MGAT4D: variants seen among roughly 807,000 people sequenced by gnomAD.
MGAT4D encodes MGAT4 family member D, also known as alpha-1,3-mannosyl-glycoprotein 4-beta-N-acetylglucosaminyltransferase-like protein MGAT4D.
In MGAT4D, 34 loss-of-function variants were observed where a neutral mutation model predicts 15.9. The observed-to-expected ratio is 2.14, with a 90% confidence interval of 1.62 to 2.84. MGAT4D has a LOEUF of 2.84. Among genes scored for constraint, MGAT4D ranks in the 30% most tolerant of loss-of-function variants. The pLI is 0.00. For missense variants in MGAT4D, 327 were observed against 140.2 expected (o/e 2.33, Z -6.73); for synonymous variants, 112 against 48.2 (o/e 2.33, Z -5.49).
At chr4:140,495,117 C>G (rs916719980) in intron 1 of MGAT4D, among the ~76,000 whole-genome samples, 2 of 152,190 alleles carry the variant, frequency 1.3e-5, no homozygotes, top group Non-Finnish European at 2.9e-5. Flanking sequence ...CCCCCCTGTT[C>G]ACATTGGCCT....
Position 140,474,895 on chromosome 4 carries a change from A to G in MGAT4D, c.443T>C (p.Leu148Pro). Residue 148 changes from leucine to proline, a missense_variant, in exon 4 of 11, where the codon CTG becomes CCG. Leu to Pro is a moderately conservative substitution (Grantham distance 98, BLOSUM62 -3). Coordinates refer to ENST00000511113, the MANE Select transcript of MGAT4D (RefSeq NM_001277353.2). Reference protein sequence around the residue: ...STVNRGNYSYLKQTLTSVVSR... With the variant: ...STVNRGNYSYPKQTLTSVVSR... Reference sequence around the variant, plus strand: ...GACAACAGAGGTCAGTGTCTGTTTCAGGTAACTATAATTTCCTCTGTTAAC... The same window carrying G: ...GACAACAGAGGTCAGTGTCTGTTTCGGGTAACTATAATTTCCTCTGTTAAC... The G allele has an allele frequency of 1.4e-6, 1 of 699,252 alleles. No individual in the cohort carries two copies. The allele number at this position is 699,252 out of a possible 1,614,324, so 43.3% of individuals were successfully genotyped here.
At chr4:140,467,301 A>G (rs1578670898) in intron 5 of MGAT4D, among the ~76,000 whole-genome samples, 1 of 152,188 alleles carries the variant, frequency 6.6e-6, no homozygotes, top group Non-Finnish European at 1.5e-5. Flanking sequence ...AAAAGTTAGT[A>G]ACATAATATC....
At chr4:140,484,617 C>A (rs1222407344) in intron 1 of MGAT4D, among the ~76,000 whole-genome samples, 1 of 152,114 alleles carries the variant, frequency 6.6e-6, no homozygotes, top group Non-Finnish European at 1.5e-5. Flanking sequence ...AACAGGCAAC[C>A]TACAGAATGG....
At chr4:140,446,727 T>A (rs1244446581) in intron 10 of MGAT4D, among the ~76,000 whole-genome samples, 1 of 148,968 alleles carries the variant, frequency 6.7e-6, no homozygotes, top group Non-Finnish European at 1.5e-5. Flanking sequence ...GGAGCTGGTT[T>A]GCTTTTGCTT....
At chr4:140,488,945 T>C (rs1241050) in intron 1 of MGAT4D, among the ~76,000 whole-genome samples, 120,332 of 152,018 alleles carry the variant, frequency 0.79, 47,884 homozygotes, top group East Asian at 0.9. Context: ...CCTGAGACCT[T>C]CCTAGAAGCC....
intron 9 of MGAT4D, among the ~76,000 whole-genome samples, chr4:140,456,252 T>C (rs1421799451): frequency 4.6e-5 from 7 of 152,238 alleles, no homozygotes; most frequent in South Asian, 2.1e-4. Flanking sequence ...TTGACTTCAG[T>C]AGTTGCATCA....
intron 2 of MGAT4D, among the ~76,000 whole-genome samples, chr4:140,480,785 A>G (rs996067689): frequency 3.9e-5 from 5 of 129,116 alleles, no homozygotes; most frequent in African/African-American, 5.9e-5. Flanking sequence ...ACACACACAC[A>G]CGCAGTGGGG....
At chr4:140,455,387 G>A (rs1560767839) in intron 9 of MGAT4D, among the ~76,000 whole-genome samples, 1 of 152,122 alleles carries the variant, frequency 6.6e-6, no homozygotes, top group Non-Finnish European at 1.5e-5. Flanking sequence ...TTATCTTTAT[G>A]TTGTTGATTT....
chr4:140,481,802 G>C (rs1732751713), intron 2 of MGAT4D, among the ~76,000 whole-genome samples: 1 of 152,206 alleles, frequency 6.6e-6, no homozygotes, highest in Non-Finnish European at 1.5e-5. Context: ...AAGAGTAGGG[G>C]GAGGATTGGA....
rs1322472200 is a variant in MGAT4D at position 140,456,610 on chromosome 4, C to T, written c.987G>A (p.Val329=). 2 of 682,398 alleles carry T rather than the reference C, an allele frequency of 2.9e-6. No individual in the cohort carries two copies. The highest frequency in any genetic ancestry group is 5.3e-6 in the Non-Finnish European group (2 of 375,702). 42.3% of individuals were successfully genotyped at this position (682,398 alleles called of 1,614,324 possible). Reference sequence around the variant, plus strand: ...TCACAAGATCTTCTCCTGCGTCACACACCTTTACCTGAAAAATGTCATTCA... The same window carrying T: ...TCACAAGATCTTCTCCTGCGTCACATACCTTTACCTGAAAAATGTCATTCA... ...WLLNDIFQVK[V]CDAGEDLRNC... is the part of the protein sequence containing the mutation. The change falls in exon 9 of 11, where the codon GTG becomes GTA. Residue 329 remains valine (V), a synonymous_variant. Transcript: ENST00000511113.
At chr4:140,453,222 T>C (rs1730582720) in intron 9 of MGAT4D, among the ~76,000 whole-genome samples, 1 of 152,132 alleles carries the variant, frequency 6.6e-6, no homozygotes, top group South Asian at 2.1e-4. Context: ...AAAACTATTT[T>C]AGTAGATCTA....
chr4:140,443,545 T>G lies in MGAT4D; in HGVS notation c.1117-101A>C, dbSNP rs1267908240. 1.3e-5 allele frequency: 5 copies of G among 394,124 alleles called. 1 individual carries two copies. Among genetic ancestry groups the G allele is most frequent in the Non-Finnish European group, 2.2e-5 (5 of 223,370 alleles). 24.4% of individuals were successfully genotyped at this position (394,124 alleles called of 1,614,324 possible). ...TTTCTTAATCATATTATTTCCTTATTGTATCCTCTTTGATACCACCCACAC... is the reference window on the plus strand; with the variant it reads ...TTTCTTAATCATATTATTTCCTTATGGTATCCTCTTTGATACCACCCACAC... On this transcript the variant is annotated intron_variant, in intron 10 of 10. Transcript: ENST00000511113.
chr4:140,470,280 C>T (rs1234757087), intron 5 of MGAT4D, among the ~76,000 whole-genome samples: 1 of 152,196 alleles, frequency 6.6e-6, no homozygotes, highest in Non-Finnish European at 1.5e-5. Context: ...TAAAGTTCCC[C>T]CAACCCTCTC....
At chr4:140,474,588 T>G (rs944835772) in intron 4 of MGAT4D, among the ~76,000 whole-genome samples, 5 of 152,234 alleles carry the variant, frequency 3.3e-5, no homozygotes, top group African/African-American at 1.2e-4. Flanking sequence ...ATTTCCCACA[T>G]GAAGCCATTA....
intron 9 of MGAT4D, among the ~76,000 whole-genome samples, chr4:140,453,362 C>G (rs1730592959): frequency 6.6e-6 from 1 of 152,016 alleles, no homozygotes; most frequent in Non-Finnish European, 1.5e-5. Context: ...CATACCTTTA[C>G]TAGGTTGAGC....
chr4:140,459,265 T>C lies in MGAT4D; in HGVS notation c.877+247A>G, dbSNP rs72718303. 5.3e-3 allele frequency: 1,095 copies of C among 204,874 alleles called. 3 individuals are homozygous for C. The highest frequency in any genetic ancestry group is 8.2e-3 in the Non-Finnish European group (850 of 103,302). The allele number at this position is 204,874 out of a possible 1,614,324, so 12.7% of individuals were successfully genotyped here. A position where few individuals can be genotyped will look rare whatever the true frequency, so the allele number is the denominator to read the frequency against. ...CAAGCATTTAATAAATGGTAACTCT[T>C]TTATGTTTCTATGACTTATGTGTCT... is the stretch of plus-strand genomic sequence containing the variant. On this transcript the variant is annotated intron_variant, in intron 8 of 10. Coordinates refer to ENST00000511113, the MANE Select transcript of MGAT4D (RefSeq NM_001277353.2).
chr4:140,482,120 G>A (rs17006045), intron 2 of MGAT4D, among the ~76,000 whole-genome samples: 24,513 of 152,036 alleles, frequency 0.16, 2,326 homozygotes, highest in East Asian at 0.41. Context: ...TGCAATTCAC[G>A]GAGCCACAAA....
At position 140,494,615 on chromosome 4, in the gene MGAT4D, A is replaced by C. The variant is rs577162708; in HGVS notation, c.94+3514T>G. ...CTAATAAGCACTTCATACATAAGAG[A>C]AATAGTGACCTTACCCCCAAACCTG... On this transcript the variant is annotated intron_variant, in intron 1 of 10. Transcript: ENST00000511113. Among the ~76,000 whole-genome samples the C allele has an allele frequency of 5.3e-5, 8 of 152,290 alleles. No individual in the cohort carries two copies. The South Asian group carries it at 1.7e-3, about 32-fold the overall frequency.
chr4:140,446,324 T>A (rs1730119638), intron 10 of MGAT4D, among the ~76,000 whole-genome samples: 1 of 152,294 alleles, frequency 6.6e-6, no homozygotes, highest in Non-Finnish European at 1.5e-5. Context: ...AGTAGGCTAT[T>A]TATTACTGAT....
Sources: gnomAD v4.1 joint callset for allele counts (sites outside exome capture counted in the v4.1 genomes callset) on GRCh38, gnomAD v4.1.1 for gene constraint, MANE v1.5 for transcripts, NCBI Gene and HGNC (gene_info 2026-07-23, HGNC 2026-07-21) for gene names.